The following NCBP2L variants were observed in gnomAD, a reference collection of about 807,000 sequenced individuals.
NCBP2L encodes the protein nuclear cap binding protein subunit 2 like, also known as nuclear cap-binding protein subunit 2-like.
For synonymous variants in NCBP2L, 39 were observed against 19.2 expected (o/e 2.04, Z -2.70); for missense variants, 95 against 53.1 (o/e 1.79, Z -2.45).
chrX:107,794,442 A>G lies in NCBP2L; in HGVS notation c.222A>G (p.Ile74Met), dbSNP rs951031391. Residue 74 changes from isoleucine to methionine, a missense_variant, in exon 2 of 2, where the codon ATA (isoleucine) becomes ATG (methionine). Coordinates refer to ENST00000509000, the MANE Select transcript of NCBP2L (RefSeq NM_001348372.2). ...IRNIFMGLDK[I>M]KKTACGFCFV... ...ATATCTTTATGGGCCTGGATAAAAT[A>G]AAGAAAACAGCATGTGGTTTTTGCT... 3.5e-6 allele frequency: 2 copies of G among 569,039 alleles called. No homozygotes were observed. The highest frequency in any genetic ancestry group is 6.5e-6 in the Non-Finnish European group (2 of 309,360). 46.9% of individuals were successfully genotyped at this position (569,039 alleles called of 1,213,427 possible). A position where few individuals can be genotyped will look rare whatever the true frequency, so the allele number is the denominator to read the frequency against.
rs769870839 is a variant in NCBP2L, at chrX:107,794,687, A to G, written c.*5A>G. On this transcript the variant is annotated 3_prime_UTR_variant, in exon 2 of 2. Transcript: ENST00000509000. ...GGAAGACAGACTCAGATCTAGAACA[A>G]TCCATAGAGAAAAAGTTTTAACTCT... The G allele has an allele frequency of 1.4e-5, 8 of 556,279 alleles. No individual in the cohort carries two copies. The allele number at this position is 556,279 out of a possible 1,213,427, so 45.8% of individuals were successfully genotyped here. A position where few individuals can be genotyped will look rare whatever the true frequency, so the allele number is the denominator to read the frequency against.
chrX:107,786,296 A>G (rs937409454), intron 1 of NCBP2L, among the ~76,000 whole-genome samples: 14 of 112,236 alleles, frequency 1.2e-4, no homozygotes, highest in African/African-American at 4.5e-4. Flanking sequence ...ATAGGAGAAA[A>G]AAATTGTTAT....
At chrX:107,780,832 G>A (rs185483505) in intron 1 of NCBP2L, among the ~76,000 whole-genome samples, 1 of 109,309 alleles carries the variant, frequency 9.1e-6, no homozygotes, top group African/African-American at 3.3e-5. Context: ...GTTGCTCCAT[G>A]TTGCCCAGGC....
At chrX:107,791,477 A>G (rs1049366169) in intron 1 of NCBP2L, among the ~76,000 whole-genome samples, 1 of 112,002 alleles carries the variant, frequency 8.9e-6, no homozygotes, top group Non-Finnish European at 1.9e-5. Flanking sequence ...AACTCCTGGG[A>G]TTAAGCAATC....
At chrX:107,790,513 T>C (rs1412703461) in intron 1 of NCBP2L, among the ~76,000 whole-genome samples, 1 of 111,023 alleles carries the variant, frequency 9.0e-6, no homozygotes, top group Admixed American at 9.6e-5. Flanking sequence ...TGCCTACCCT[T>C]CCAATCTTAT....
rs1373089653 is a variant in NCBP2L at position 107,781,746 on chromosome X, C to CTA, written c.-73+3895_-73+3896dup. 3.8e-3 allele frequency among the ~76,000 whole-genome samples: 157 copies of CTA among 41,329 alleles called. 1 individual carries two copies. Among genetic ancestry groups the CTA allele is most frequent in the African/African-American group, 0.014 (147 of 10,843 alleles). 35.9% of individuals were successfully genotyped at this position (41,329 alleles called of 115,157 possible). A position where few individuals can be genotyped will look rare whatever the true frequency, so the allele number is the denominator to read the frequency against. The stretch of plus-strand genomic sequence containing the variant: ...TATCTATAGATCTATATATAGATAT[C>CTA]TATATATAGATCTATAGATATCTAT... On this transcript the variant is annotated intron_variant, in intron 1 of 1. Transcript: ENST00000509000.
chrX:107,788,362 ATCT>A (rs1441840695), intron 1 of NCBP2L, among the ~76,000 whole-genome samples: 2 of 112,304 alleles, frequency 1.8e-5, no homozygotes, highest in South Asian at 7.5e-4. Flanking sequence ...AAGAATTGTA[ATCT>A]TCTGTTTTTA....
At chrX:107,784,769 A>G (rs1038947124) in intron 1 of NCBP2L, among the ~76,000 whole-genome samples, 2 of 99,420 alleles carry the variant, frequency 2.0e-5, no homozygotes, top group Non-Finnish European at 4.0e-5. Context: ...TCAGGAGTTC[A>G]AGACCAGCCT....
intron 1 of NCBP2L, among the ~76,000 whole-genome samples, chrX:107,781,692 C>CTCTCTCTCTCTCGCTCTCTATATATA (rs1395038482): frequency 1.5e-5 from 1 of 66,919 alleles, no homozygotes; most frequent in Admixed American, 1.6e-4. Context: ...CTCTCTCTCT[C>CTCTCTCTCTCTCGCTCTCTATATATA]TATATATATA....
intron 1 of NCBP2L, 57 bp from the exon 2 acceptor site, chrX:107,794,092 G>A: frequency 2.3e-6 from 1 of 441,377 alleles, no homozygotes; most frequent in Non-Finnish European, 4.0e-6. Context: ...AATATTCACA[G>A]GTTTATACTT....
chrX:107,782,198 T>A (rs1208284097), intron 1 of NCBP2L, among the ~76,000 whole-genome samples: 9 of 13,794 alleles, frequency 6.5e-4, no homozygotes, highest in South Asian at 0.011. Context: ...TATATATAAA[T>A]ATATATATAT....
chrX:107,779,625 G>A (rs565706820), intron 1 of NCBP2L, among the ~76,000 whole-genome samples: 2 of 110,085 alleles, frequency 1.8e-5, no homozygotes, highest in African/African-American at 3.3e-5. Flanking sequence ...ACAGGGTTTC[G>A]CCACATTGGC....
intron 1 of NCBP2L, among the ~76,000 whole-genome samples, chrX:107,783,245 G>C: frequency 9.2e-6 from 1 of 108,981 alleles, no homozygotes. Context: ...CACTTTGGGA[G>C]GCCGAGGCAG....
intron 1 of NCBP2L, among the ~76,000 whole-genome samples, chrX:107,779,775 C>T (rs796709252): frequency 1.3e-5 from 1 of 77,649 alleles, no homozygotes; most frequent in African/African-American, 5.7e-5. Flanking sequence ...GACAGAGTCT[C>T]GCTCTGTCGC....
intron 1 of NCBP2L, among the ~76,000 whole-genome samples, chrX:107,783,075 C>T (rs1470704321): frequency 9.1e-6 from 1 of 109,945 alleles, no homozygotes; most frequent in African/African-American, 3.3e-5. Context: ...GACACTTAGG[C>T]AGTTTCCACA....
In NCBP2L at chrX:107,790,916, C is replaced by T. The variant is rs755315138; in HGVS notation, c.-72-3233C>T. 5.4e-5 allele frequency among the ~76,000 whole-genome samples: 6 copies of T among 112,067 alleles called. No individual in the cohort carries two copies. The South Asian group carries it at 2.3e-3, about 42-fold the overall frequency. ...CCTCATCCTCCTCTGTAGTTTTGTA[C>T]TCCCTTCTTTGTGCTACCTCTGGGC... On this transcript the variant is annotated intron_variant, in intron 1 of 1. Coordinates refer to ENST00000509000, the MANE Select transcript of NCBP2L (RefSeq NM_001348372.2).
chrX:107,788,147 TCA>T (rs1329147556), intron 1 of NCBP2L, among the ~76,000 whole-genome samples: 1 of 111,810 alleles, frequency 8.9e-6, no homozygotes, highest in Non-Finnish European at 1.9e-5. Flanking sequence ...AAATATTCTC[TCA>T]CAGTGTTTAC....
chrX:107,785,583 G>A (rs1930386883), intron 1 of NCBP2L, among the ~76,000 whole-genome samples: 1 of 111,508 alleles, frequency 9.0e-6, no homozygotes, highest in African/African-American at 3.3e-5. Flanking sequence ...AAAGTCCTTT[G>A]CTTTTTCATG....
Position 107,794,589 on chromosome X carries a change from T to C in NCBP2L, c.369T>C (p.Tyr123=). The change falls in exon 2 of 2, where the codon TAT becomes TAC. Residue 123 remains tyrosine, a synonymous_variant. Transcript: ENST00000509000. ...WDVGFREGQQ[Y]GRGKSGGQVR... ...TCGGTTTTAGAGAGGGTCAACAGTA[T>C]GGTCGCGGTAAATCTGGGGGTCAGG... 1.8e-6 allele frequency: 1 copy of C among 569,780 alleles called. No homozygotes were observed. Among genetic ancestry groups the C allele is most frequent in the Non-Finnish European group, 3.2e-6 (1 of 309,406 alleles). The allele number at this position is 569,780 out of a possible 1,213,427, so 47.0% of individuals were successfully genotyped here.
Sources: allele counts gnomAD v4.1 joint callset (sites outside exome capture counted in the v4.1 genomes callset), GRCh38; gene constraint gnomAD v4.1.1; transcripts MANE v1.5; gene names NCBI Gene and HGNC (gene_info 2026-07-23, HGNC 2026-07-21).